Variants in MB21D2 observed in about 807,000 individuals in gnomAD.
The protein encoded by MB21D2 is nucleotidyltransferase MB21D2.
Under a neutral mutation model 33.3 loss-of-function variants are expected in MB21D2, and 9 were observed. That is an observed-to-expected ratio of 0.27 (90% CI 0.16 to 0.47). The LOEUF is 0.47. MB21D2 is among the 20% of genes least tolerant of loss of function. MB21D2 has a pLI of 0.99. For missense variants in MB21D2, 540 were observed against 624.6 expected, an observed-to-expected ratio of 0.86 and a Z score of 1.44; for synonymous variants, 241 against 236.3, an observed-to-expected ratio of 1.02 and a Z score of -0.18.
rs146587854 is a variant in MB21D2 at position 192,855,821 on chromosome 3, C to G, written c.212-56171G>C. Among the ~76,000 whole-genome samples the G allele has an allele frequency of 2.7e-3, 407 of 152,274 alleles. 1 individual carries two copies. Among genetic ancestry groups the G allele is most frequent in the African/African-American group, 9.1e-3 (379 of 41,556 alleles). ...GGCATGGTGGCTCATGCCTGTAATC[C>G]CAGCACTTTGGGAGGCCAAGGCAGG... On this transcript the variant is annotated intron_variant, in intron 1 of 1. Coordinates refer to ENST00000392452, the MANE Select transcript of MB21D2 (RefSeq NM_178496.4).
intron 1 of MB21D2, among the ~76,000 whole-genome samples, chr3:192,901,413 C>CCAA (rs531029173): frequency 5.0e-5 from 5 of 100,888 alleles, no homozygotes; most frequent in African/African-American, 1.5e-4. Flanking sequence ...ACTAAAAATT[C>CCAA]AAAAAAAAAA....
chr3:192,917,563 G>A, intron 1 of MB21D2, 67 bp downstream of exon 1: 1 of 1,557,456 alleles, frequency 6.4e-7, no homozygotes, highest in South Asian at 1.1e-5. Flanking sequence ...AAGCGGCAAT[G>A]GGTTTTCTAC....
In MB21D2 at chr3:192,901,428, A is replaced by AAG. The variant is rs1305268095; in HGVS notation, c.211+16201_211+16202insCT. On this transcript the variant is annotated intron_variant, in intron 1 of 1. Coordinates refer to ENST00000392452, the MANE Select transcript of MB21D2 (RefSeq NM_178496.4). ...ACTAAAAATTCAAAAAAAAAAAAAA[A>AAG]AAAAAAGACTTTATTGCCAGAAAGC... Among the ~76,000 whole-genome samples, 119 of 151,268 alleles carry AAG rather than the reference A, an allele frequency of 7.9e-4. 2 individuals carry two copies. The highest frequency in any genetic ancestry group is 1.3e-3 in the Non-Finnish European group (87 of 67,794).
intron 1 of MB21D2, among the ~76,000 whole-genome samples, chr3:192,822,313 A>C (rs1712077473): frequency 6.6e-6 from 1 of 152,150 alleles, no homozygotes; most frequent in Non-Finnish European, 1.5e-5. Flanking sequence ...GTTTCACTTC[A>C]ATTACTGGTT....
Position 192,798,893 on chromosome 3 carries a change from C to T in MB21D2, c.969G>A (p.Arg323=), listed in dbSNP as rs1227976692. The T allele has an allele frequency of 1.2e-6, 2 of 1,613,602 alleles. No individual in the cohort carries two copies. The highest frequency in any genetic ancestry group is 1.7e-6 in the Non-Finnish European group (2 of 1,179,810). ...GGTGATAGGGGCTAATAGCCTTGGG[C>T]CGGGACAGCAGTTTAATGATGATGG... ...CKAIIIKLLS[R]PKAISPYHLR... is the part of the protein sequence containing the mutation. Residue 323 remains arginine (R), a synonymous_variant, in exon 2 of 2, where the codon CGG becomes CGA. Transcript: ENST00000392452. This position sits in a 1 kb window ranked among gnomAD's most constrained non-coding sequence, Gnocchi z 4.8.
intron 1 of MB21D2, among the ~76,000 whole-genome samples, chr3:192,836,712 C>T (rs561870372): frequency 6.6e-6 from 1 of 152,320 alleles, no homozygotes; most frequent in South Asian, 2.1e-4. Flanking sequence ...TTAAGCTACC[C>T]TGTCTGTGGT....
At chr3:192,859,759 T>C (rs1412401572) in intron 1 of MB21D2, among the ~76,000 whole-genome samples, 1 of 152,180 alleles carries the variant, frequency 6.6e-6, no homozygotes, top group Non-Finnish European at 1.5e-5. Context: ...CACCTTTAAA[T>C]GGACGGTGTT....
intron 1 of MB21D2, among the ~76,000 whole-genome samples, chr3:192,842,009 G>A (rs1011003482): frequency 6.6e-6 from 1 of 152,184 alleles, no homozygotes; most frequent in African/African-American, 2.4e-5. Flanking sequence ...GAGTGTCTAC[G>A]CTTTATACAG....
intron 1 of MB21D2, among the ~76,000 whole-genome samples, chr3:192,912,446 A>C (rs1714376839): frequency 6.6e-6 from 1 of 152,214 alleles, no homozygotes; most frequent in Non-Finnish European, 1.5e-5. Context: ...AGGTGGGTGG[A>C]TCACCTGAGG....
intron 1 of MB21D2, among the ~76,000 whole-genome samples, chr3:192,819,316 G>A (rs752477511): frequency 6.6e-6 from 1 of 152,178 alleles, no homozygotes; most frequent in Non-Finnish European, 1.5e-5. Context: ...GTTTGCCCAC[G>A]GTGACTAACA....
intron 1 of MB21D2, among the ~76,000 whole-genome samples, chr3:192,810,533 A>G (rs1475819207): frequency 1.3e-5 from 2 of 152,234 alleles, no homozygotes; most frequent in Non-Finnish European, 2.9e-5. Flanking sequence ...ACCCTGTCTT[A>G]CTTTAGACGA....
At chr3:192,894,257 T>C (rs1222259589) in intron 1 of MB21D2, among the ~76,000 whole-genome samples, 1 of 149,542 alleles carries the variant, frequency 6.7e-6, no homozygotes, top group Non-Finnish European at 1.5e-5. Context: ...GCCTCAGGAG[T>C]AGCTGGGATT....
At chr3:192,831,146 T>G (rs1208631310) in intron 1 of MB21D2, among the ~76,000 whole-genome samples, 1 of 152,230 alleles carries the variant, frequency 6.6e-6, no homozygotes, top group Non-Finnish European at 1.5e-5. Context: ...TTTTCTTGCC[T>G]TGGTTCCTTG....
At chr3:192,841,100 G>A (rs963936729) in intron 1 of MB21D2, among the ~76,000 whole-genome samples, 1 of 152,170 alleles carries the variant, frequency 6.6e-6, no homozygotes, top group African/African-American at 2.4e-5. Flanking sequence ...AAAAAAGGAG[G>A]AGAGGGCAAC....
rs1720548258 is a variant in MB21D2, at chr3:192,797,559, TTC to T, written c.*825_*826del. ...GGGCAAAATGAAAAAATGATAGAAT[TTC>T]GAGAGTGGTTGTTAATTTATATTGA... On this transcript the variant is annotated 3_prime_UTR_variant, in exon 2 of 2. Coordinates refer to ENST00000392452, the MANE Select transcript of MB21D2 (RefSeq NM_178496.4). The T allele has an allele frequency of 6.6e-6, 1 of 152,602 alleles. No homozygotes were observed. The highest frequency in any genetic ancestry group is 6.5e-5 in the Admixed American group (1 of 15,276). 9.5% of individuals were successfully genotyped at this position (152,602 alleles called of 1,614,324 possible). A position where few individuals can be genotyped will look rare whatever the true frequency, so the allele number is the denominator to read the frequency against.
intron 1 of MB21D2, among the ~76,000 whole-genome samples, chr3:192,861,200 T>C (rs1017715745): frequency 4.6e-5 from 7 of 152,226 alleles, no homozygotes; most frequent in African/African-American, 1.2e-4. Context: ...GGTATGCAGA[T>C]CTGACCTCTG....
intron 1 of MB21D2, among the ~76,000 whole-genome samples, chr3:192,881,967 G>C (rs1713606418): frequency 6.6e-6 from 1 of 152,056 alleles, no homozygotes; most frequent in African/African-American, 2.4e-5. Flanking sequence ...GATTCCTCTT[G>C]CTTATCCCAC....
At chr3:192,891,650 A>G (rs540756265) in intron 1 of MB21D2, among the ~76,000 whole-genome samples, 3 of 152,224 alleles carry the variant, frequency 2.0e-5, no homozygotes, top group East Asian at 1.9e-4. Flanking sequence ...AATACATGTT[A>G]ATGCTTTTAT....
intron 1 of MB21D2, among the ~76,000 whole-genome samples, chr3:192,819,598 G>T (rs1208206784): frequency 6.6e-6 from 1 of 152,172 alleles, no homozygotes; most frequent in East Asian, 1.9e-4. Context: ...TGGAGAAAGG[G>T]TTAGAAAATC....
Sources: gnomAD v4.1 joint callset for allele counts (sites outside exome capture counted in the v4.1 genomes callset) on GRCh38, gnomAD v4.1.1 for gene constraint, Gnocchi (gnomAD v3.1) non-coding constraint, MANE v1.5 for transcripts, NCBI Gene and HGNC (gene_info 2026-07-23, HGNC 2026-07-21) for gene names.